ASTN2: variants seen among roughly 807,000 people sequenced by gnomAD.
ASTN2 encodes the protein astrotactin-2.
A neutral mutation model predicts 139.8 loss-of-function variants in ASTN2; 54 were observed. The observed-to-expected ratio is 0.39, with a 90% CI of 0.31 to 0.48. ASTN2 has a LOEUF of 0.48. Among genes scored for constraint, ASTN2 ranks in the 20% least tolerant of loss-of-function variants. The probability of loss-of-function intolerance (pLI) is 0.95; values close to 1 mark genes in which losing one functional copy is unlikely to be tolerated. For synonymous variants in ASTN2, 756 were observed against 719.5 expected (o/e 1.05, Z -0.81); for missense variants, 1,565 against 1,725.1 (o/e 0.91, Z 1.64).
chr9:116,504,884 A>C (rs1268354798), intron 19 of ASTN2, among the ~76,000 whole-genome samples: 1 of 127,020 alleles, frequency 7.9e-6, no homozygotes, highest in East Asian at 2.1e-4. Flanking sequence ...TGACCAAGTG[A>C]AATCCTGTCT....
chr9:116,516,930 A>G (rs957114986), intron 19 of ASTN2, among the ~76,000 whole-genome samples: 1 of 152,114 alleles, frequency 6.6e-6, no homozygotes, highest in Non-Finnish European at 1.5e-5. Flanking sequence ...TGGCCTGGGA[A>G]CCATACCCCA....
chr9:116,739,686 C>T (rs1471764934), intron 13 of ASTN2, among the ~76,000 whole-genome samples: 3 of 152,218 alleles, frequency 2.0e-5, no homozygotes, highest in Non-Finnish European at 4.4e-5. Context: ...TGTTGGACAC[C>T]TGTCTTTCCC....
intron 2 of ASTN2, among the ~76,000 whole-genome samples, chr9:117,223,991 C>T (rs775747863): frequency 3.9e-5 from 6 of 152,160 alleles, no homozygotes; most frequent in Non-Finnish European, 8.8e-5. Flanking sequence ...AATGCATTCA[C>T]CTTCCACCCA....
At chr9:117,220,524 C>G (rs899665560) in intron 2 of ASTN2, among the ~76,000 whole-genome samples, 26 of 152,098 alleles carry the variant, frequency 1.7e-4, no homozygotes, top group African/African-American at 6.0e-4. Flanking sequence ...GCCCTAAATC[C>G]AATGACTGGT....
intron 7 of ASTN2, among the ~76,000 whole-genome samples, chr9:116,984,156 C>T (rs1360001746): frequency 2.0e-5 from 3 of 152,166 alleles, no homozygotes; most frequent in Admixed American, 6.5e-5. Flanking sequence ...CTGATTCTAC[C>T]GCTTTGGTTT....
At chr9:116,879,628 C>T (rs1001779274) in intron 10 of ASTN2, among the ~76,000 whole-genome samples, 5 of 152,174 alleles carry the variant, frequency 3.3e-5, no homozygotes, top group African/African-American at 9.7e-5. Context: ...TCACTGAAGT[C>T]TAGTGCCTTA....
At chr9:116,535,196 G>C (rs993863053) in intron 19 of ASTN2, among the ~76,000 whole-genome samples, 1 of 151,884 alleles carries the variant, frequency 6.6e-6, no homozygotes, top group African/African-American at 2.4e-5. Context: ...CTGCCTTTTT[G>C]TATTTTCCTT....
chr9:116,825,642 C>G (rs955328034), intron 11 of ASTN2, among the ~76,000 whole-genome samples: 3 of 152,126 alleles, frequency 2.0e-5, no homozygotes, highest in Non-Finnish European at 4.4e-5. Context: ...CAGTCAGAAA[C>G]CAACTGAGAG....
At chr9:117,019,410 T>C (rs995696169) in intron 6 of ASTN2, among the ~76,000 whole-genome samples, 2 of 152,098 alleles carry the variant, frequency 1.3e-5, no homozygotes, top group African/African-American at 4.8e-5. Flanking sequence ...GTCATGTTGA[T>C]GAAACAAATT....
chr9:116,736,874 T>C (rs896592929), intron 13 of ASTN2, among the ~76,000 whole-genome samples: 1 of 152,164 alleles, frequency 6.6e-6, no homozygotes, highest in African/African-American at 2.4e-5. Context: ...CCAATCCTTC[T>C]GCCTTCTTAT....
At chr9:117,331,047 C>T (rs1188699461) in intron 1 of ASTN2, among the ~76,000 whole-genome samples, 5 of 152,182 alleles carry the variant, frequency 3.3e-5, no homozygotes, top group Non-Finnish European at 7.3e-5. Context: ...AAACAAACAC[C>T]TACTTGTGTA....
chr9:117,213,086 G>T (rs1832193270), intron 3 of ASTN2, among the ~76,000 whole-genome samples: 2 of 152,060 alleles, frequency 1.3e-5, no homozygotes, highest in South Asian at 4.2e-4. Flanking sequence ...TATACACAAT[G>T]GAATACATTC....
intron 6 of ASTN2, 66 bp downstream of exon 6, chr9:117,039,753 C>A (rs1242946338): frequency 3.3e-6 from 5 of 1,520,500 alleles, no homozygotes; most frequent in Non-Finnish European, 3.5e-6. Context: ...TACACAGAAA[C>A]CTTTGACCAG....
intron 5 of ASTN2, among the ~76,000 whole-genome samples, chr9:117,053,831 A>T (rs1838981202): frequency 6.6e-6 from 1 of 152,158 alleles, no homozygotes; most frequent in African/African-American, 2.4e-5. Context: ...TGGAGATTTT[A>T]TTAGAATAAA....
At chr9:116,786,393 C>T (rs532080384) in intron 13 of ASTN2, among the ~76,000 whole-genome samples, 1 of 152,288 alleles carries the variant, frequency 6.6e-6, no homozygotes, top group Admixed American at 6.5e-5. Context: ...ATTTTGTTCA[C>T]TATTGTCTTC....
chr9:116,984,938 A>G (rs994228052), intron 7 of ASTN2, among the ~76,000 whole-genome samples: 2 of 152,158 alleles, frequency 1.3e-5, no homozygotes, highest in Non-Finnish European at 2.9e-5. Context: ...GAAGCAGGAT[A>G]AGTTTGGGGG....
intron 7 of ASTN2, among the ~76,000 whole-genome samples, chr9:116,979,085 G>A (rs1376965939): frequency 6.6e-6 from 1 of 152,156 alleles, no homozygotes; most frequent in Non-Finnish European, 1.5e-5. Flanking sequence ...CATTCTGAGT[G>A]TTTAAAAACA....
At chr9:116,589,757 T>C (rs1319411251) in intron 19 of ASTN2, among the ~76,000 whole-genome samples, 1 of 152,222 alleles carries the variant, frequency 6.6e-6, no homozygotes, top group Non-Finnish European at 1.5e-5. Flanking sequence ...AGGTCATGCC[T>C]ACTGTGGCAA....
rs555799374 is a variant in ASTN2 at position 116,452,277 on chromosome 9, T to A, written c.3498-9724A>T. ...TCTGAACTCAGATATAAACAATAAT[T>A]TTTAAAGTGACTTCAGTTATAGAAA... On this transcript the variant is annotated intron_variant, in intron 20 of 22. Transcript: ENST00000313400. 2.9e-4 allele frequency among the ~76,000 whole-genome samples: 44 copies of A among 152,326 alleles called. No homozygotes were observed. The East Asian group carries it at 8.5e-3, about 29-fold the overall frequency.
Sources: allele counts gnomAD v4.1 joint callset (sites outside exome capture counted in the v4.1 genomes callset), GRCh38; gene constraint gnomAD v4.1.1; transcripts MANE v1.5; gene names NCBI Gene and HGNC (gene_info 2026-07-23, HGNC 2026-07-21).